The following DSG1 variants were observed in gnomAD, a reference collection of about 807,000 sequenced individuals.
DSG1 encodes the protein desmoglein 1.
DSG1 carries 39 observed loss-of-function variants against 97.5 expected under a neutral mutation model. The observed-to-expected ratio is 0.40, with a 90% confidence interval of 0.31 to 0.52. The LOEUF (loss-of-function observed/expected upper bound fraction) is 0.52, where lower values mean the gene tolerates loss of function less well. Among genes scored for constraint, DSG1 ranks in the 20% least tolerant of loss-of-function variants. The pLI is 0.53. For synonymous variants in DSG1, 475 were observed against 443.4 expected, an observed-to-expected ratio of 1.07 and a Z score of -0.90; for missense variants, 1,311 against 1,295.4, an observed-to-expected ratio of 1.01 and a Z score of -0.18.
At chr18:31,340,567 A>AG (rs2071782863) in intron 11 of DSG1, among the ~76,000 whole-genome samples, 1 of 151,744 alleles carries the variant, frequency 6.6e-6, no homozygotes, top group African/African-American at 2.4e-5. Context: ...AAAAAAAAAA[A>AG]GAAAAGAAAA....
rs1419850379 is a variant in DSG1, at chr18:31,354,916, C to T, written c.2720C>T (p.Thr907Ile). 2 of 1,614,210 alleles carry T rather than the reference C, an allele frequency of 1.2e-6. No individual in the cohort carries two copies. The highest frequency in any genetic ancestry group is 1.7e-6 in the Non-Finnish European group (2 of 1,180,032). The change falls in exon 15 of 15, where the codon ACC becomes ATC. Residue 907 changes from threonine (T) to isoleucine (I), a missense_variant. Thr to Ile is a moderately conservative substitution (Grantham distance 89, BLOSUM62 -1). Coordinates refer to ENST00000257192, the MANE Select transcript of DSG1 (RefSeq NM_001942.4). ...ATAGCACCAAGCTCTAGTCTACCCA[C>T]CTCTCTGACTATCCATCATCCTAGA... ...RVIAPSSSLP[T>I]SLTIHHPRES... is the part of the protein sequence containing the mutation.
intron 8 of DSG1, among the ~76,000 whole-genome samples, chr18:31,335,959 G>A (rs2162272): frequency 0.47 from 71,195 of 151,270 alleles, 17,657 homozygotes; most frequent in South Asian, 0.61. Flanking sequence ...TGAAACTCTA[G>A]TATATTTGAC....
rs200100079 is a variant in DSG1 at position 31,346,003 on chromosome 18, T to C, written c.1905T>C (p.Asn635=). Residue 635 remains asparagine (N), a synonymous_variant, in exon 14 of 15, where the codon AAT becomes AAC. Transcript: ENST00000257192. ...CAACACTTTTAGGAGTTTATACAAA[T>C]GAGTATGGTGGCAGAGAAATGCAAG... The part of the protein sequence containing the change: ...ECIDNSGVYT[N]EYGGREMQDL... 2.5e-6 allele frequency: 4 copies of C among 1,613,586 alleles called. No individual in the cohort carries two copies. In the South Asian group the frequency reaches 4.4e-5, roughly 18 times the overall value.
chr18:31,344,293 T>C (rs750533295), intron 13 of DSG1, among the ~76,000 whole-genome samples: 1 of 152,180 alleles, frequency 6.6e-6, no homozygotes, highest in Non-Finnish European at 1.5e-5. Context: ...TTAGTCAAGA[T>C]TTTTAATTTA....
intron 11 of DSG1, among the ~76,000 whole-genome samples, chr18:31,342,258 A>G (rs1412541264): frequency 6.6e-6 from 1 of 151,936 alleles, no homozygotes; most frequent in Non-Finnish European, 1.5e-5. Context: ...ATTGCGGACT[A>G]CCTCTGGGTA....
At position 31,318,779 on chromosome 18, in the gene DSG1, A is replaced by G. The variant is rs543687924; in HGVS notation, c.48+431A>G. On this transcript the variant is annotated intron_variant, in intron 1 of 14. Transcript: ENST00000257192. ...GTGGAATTACTCTAATTTTTAAAAC[A>G]TAAAAATAGCACCACATAATTTAAA... Among the ~76,000 whole-genome samples the G allele has an allele frequency of 6.6e-5, 10 of 152,024 alleles. No homozygotes were observed. In the South Asian group the frequency reaches 2.1e-3, roughly 32 times the overall value.
At chr18:31,331,449 C>G (rs2071720320) in intron 5 of DSG1, among the ~76,000 whole-genome samples, 2 of 152,000 alleles carry the variant, frequency 1.3e-5, no homozygotes, top group African/African-American at 4.8e-5. Context: ...AAATAGAAAG[C>G]CAGAATAACA....
chr18:31,349,256 G>A (rs2071872472), intron 14 of DSG1, among the ~76,000 whole-genome samples: 1 of 137,434 alleles, frequency 7.3e-6, no homozygotes, highest in South Asian at 2.4e-4. Flanking sequence ...TCTCAGGTTT[G>A]TCAAAGATCA....
At position 31,346,126 on chromosome 18, in the gene DSG1, A is replaced by C; in HGVS notation, c.2028A>C (p.Leu676Phe). 1 of 1,613,934 alleles carries C rather than the reference A, an allele frequency of 6.2e-7. No homozygotes were observed. The highest frequency in any genetic ancestry group is 8.5e-7 in the Non-Finnish European group (1 of 1,179,848). Reference sequence around the variant, plus strand: ...TATGTCAAGAATACTCTGGAACATTAAGAAGAAATTCTATGAGGGAATGTA... The same window carrying C: ...TATGTCAAGAATACTCTGGAACATTCAGAAGAAATTCTATGAGGGAATGTA... Reference protein sequence around the residue: ...PEICQEYSGTLRRNSMRECRE... With the variant: ...PEICQEYSGTFRRNSMRECRE... Residue 676 changes from leucine (L) to phenylalanine (F), a missense_variant, in exon 14 of 15, where the codon TTA becomes TTC. Around this residue, in one of 3 missense-constraint regions of DSG1, gnomAD observed 1,038 missense variants for 964.6 expected, o/e 1.08. Coordinates refer to ENST00000257192, the MANE Select transcript of DSG1 (RefSeq NM_001942.4).
At chr18:31,342,299 T>C (rs2071795059) in intron 11 of DSG1, among the ~76,000 whole-genome samples, 1 of 152,166 alleles carries the variant, frequency 6.6e-6, no homozygotes, top group Admixed American at 6.5e-5. Context: ...ATAAATTATA[T>C]ATGGGCCTTA....
In DSG1 at chr18:31,326,999, C is replaced by T. The variant is rs186238458; in HGVS notation, c.210C>T (p.Ile70=). 3.7e-6 allele frequency: 6 copies of T among 1,613,762 alleles called. No homozygotes were observed. In the East Asian group the frequency reaches 6.7e-5, roughly 18 times the overall value. ...EGEDNSKRNP[I]AKIHSDCAAN... ...AAGACAACTCAAAGAGGAACCCAATCGCCAAAGTAGGTATCAACTCCAAAG... is the reference window on the plus strand; with the variant it reads ...AAGACAACTCAAAGAGGAACCCAATTGCCAAAGTAGGTATCAACTCCAAAG... Residue 70 remains isoleucine, a synonymous_variant, in exon 3 of 15, where the codon ATC becomes ATT. Coordinates refer to ENST00000257192, the MANE Select transcript of DSG1 (RefSeq NM_001942.4).
At position 31,356,798 on chromosome 18, in the gene DSG1, C is replaced by T. The variant is rs1211371966; in HGVS notation, c.*1452C>T. On this transcript the variant is annotated 3_prime_UTR_variant, in exon 15 of 15. Coordinates refer to ENST00000257192, the MANE Select transcript of DSG1 (RefSeq NM_001942.4). Reference sequence around the variant, plus strand: ...AAATTATATAGTATAACATATTTTTCTAGTTTCAAAATTTAGTAATGTCCT... The same window carrying T: ...AAATTATATAGTATAACATATTTTTTTAGTTTCAAAATTTAGTAATGTCCT... The T allele has an allele frequency of 6.6e-6, 1 of 151,974 alleles. No individual in the cohort carries two copies. Among genetic ancestry groups the T allele is most frequent in the South Asian group, 2.1e-4 (1 of 4,816 alleles). The allele number at this position is 151,974 out of a possible 1,614,324, so 9.4% of individuals were successfully genotyped here.
chr18:31,319,869 T>C (rs1301237017), intron 1 of DSG1, among the ~76,000 whole-genome samples: 1 of 151,814 alleles, frequency 6.6e-6, no homozygotes, highest in Non-Finnish European at 1.5e-5. Flanking sequence ...CATATATCTT[T>C]ATTGAACTTT....
intron 5 of DSG1, 54 bp from the exon 6 acceptor site, chr18:31,331,647 A>C: frequency 6.5e-7 from 1 of 1,543,694 alleles, no homozygotes; most frequent in East Asian, 2.3e-5. Context: ...GATATACTCT[A>C]CTGTAACAAA....
At position 31,331,749 on chromosome 18, in the gene DSG1, A is replaced by G; in HGVS notation, c.566A>G (p.Asn189Ser). ...LNATDADEPN[N>S]LNSKIAFKII... Reference sequence around the variant, plus strand: ...GCTACTGACGCAGATGAACCGAACAATTTGAACTCAAAAATAGCCTTCAAG... The same window carrying G: ...GCTACTGACGCAGATGAACCGAACAGTTTGAACTCAAAAATAGCCTTCAAG... Residue 189 changes from asparagine to serine, a missense_variant, in exon 6 of 15, where the codon AAT (asparagine) becomes AGT (serine). Physicochemically the swap from Asn to Ser is conservative, Grantham distance 46. Transcript: ENST00000257192. The G allele has an allele frequency of 6.2e-7, 1 of 1,612,878 alleles. No individual in the cohort carries two copies.
rs573147998 is a variant in DSG1, at chr18:31,346,666, C to G, written c.2100+468C>G. 1.2e-4 allele frequency among the ~76,000 whole-genome samples: 19 copies of G among 152,208 alleles called. 2 individuals are homozygous for G. The South Asian group carries it at 3.9e-3, about 32-fold the overall frequency. On this transcript the variant is annotated intron_variant, in intron 14 of 14. Transcript: ENST00000257192. ...AGACCCAGTCCAAATATCACTCTCC[C>G]TCCGAAGTTTTTACAGTTAACCCTC...
At chr18:31,321,144 A>C (rs2071651267) in intron 1 of DSG1, among the ~76,000 whole-genome samples, 1 of 152,014 alleles carries the variant, frequency 6.6e-6, no homozygotes, top group Non-Finnish European at 1.5e-5. Context: ...CTGATAAACT[A>C]ACTCCACAGT....
chr18:31,331,719 T>C lies in DSG1; in HGVS notation c.536T>C (p.Leu179Pro), dbSNP rs2071722052. 2.5e-6 allele frequency: 4 copies of C among 1,612,606 alleles called. No individual in the cohort carries two copies. The African/African-American group carries it at 4.0e-5, about 16-fold the overall frequency. The change falls in exon 6 of 15, where the codon CTC (leucine) becomes CCC (proline). Residue 179 changes from leucine (L) to proline (P), a missense_variant. Physicochemically the swap from Leu to Pro is moderately conservative, Grantham distance 98. This residue lies in a region of DSG1 where 259 missense variants were observed against 304.1 expected (regional missense o/e 0.85). Coordinates refer to ENST00000257192, the MANE Select transcript of DSG1 (RefSeq NM_001942.4). ...TTTCTAGATACACTGGTGATGATAC[T>C]CAATGCTACTGACGCAGATGAACCG... is the stretch of plus-strand genomic sequence containing the variant. ...NSNANTLVMI[L>P]NATDADEPNN...
chr18:31,323,976 C>CTT (rs1203163479), intron 1 of DSG1, among the ~76,000 whole-genome samples: 3,215 of 95,082 alleles, frequency 0.034, 181 homozygotes, highest in Non-Finnish European at 0.039. Context: ...TCTCTCCTTC[C>CTT]TTTTTTTTTT....
Sources: gnomAD v4.1 joint callset for allele counts (sites outside exome capture counted in the v4.1 genomes callset) on GRCh38, gnomAD v4.1.1 for gene constraint, gnomAD v4.1.1 regional missense constraint, MANE v1.5 for transcripts, NCBI Gene and HGNC (gene_info 2026-07-23, HGNC 2026-07-21) for gene names.